The following DOCK10 variants were observed in gnomAD, a reference collection of about 807,000 sequenced individuals.
The protein encoded by DOCK10 is dedicator of cytokinesis protein 10.
Under a neutral mutation model 280.1 loss-of-function variants are expected in DOCK10, and 145 were observed. The ratio of observed to expected loss-of-function variants is 0.52; its 90% CI spans 0.45 to 0.59. The LOEUF (loss-of-function observed/expected upper bound fraction) is 0.59, where lower values mean the gene tolerates loss of function less well. DOCK10 is among the 20% of genes least tolerant of loss of function. The pLI, the probability that DOCK10 is intolerant of heterozygous loss-of-function variation, is 0.00. For synonymous variants in DOCK10, 915 were observed against 942.2 expected (o/e 0.97, Z 0.53); for missense variants, 2,368 against 2,651.7 (o/e 0.89, Z 2.35).
Position 224,849,520 on chromosome 2 carries a change from T to C in DOCK10, c.2222A>G (p.Asp741Gly). 1 of 1,611,346 alleles carries C rather than the reference T, an allele frequency of 6.2e-7. No homozygotes were observed. Residue 741 changes from aspartate (D) to glycine (G), a missense_variant, in exon 19 of 56, where the codon GAT becomes GGT. By Grantham distance (94) the Asp-to-Gly change is moderately conservative. Around this residue, in one of 2 missense-constraint regions of DOCK10, gnomAD observed 1,209 missense variants for 1,250.9 expected, o/e 0.97. Coordinates refer to ENST00000258390, the MANE Select transcript of DOCK10 (RefSeq NM_014689.3). The stretch of plus-strand genomic sequence containing the variant: ...GCTAGCTCTTACCTCATCTGAGAAA[T>C]CCGGATTCTGAGAGTGGTGCAGAAC... ...TAVLHHSQNPDFSDEVKIELP... is the reference protein window; with the variant it reads ...TAVLHHSQNPGFSDEVKIELP...
chr2:224,986,475 T>A (rs1705976267), intron 1 of DOCK10, among the ~76,000 whole-genome samples: 1 of 152,178 alleles, frequency 6.6e-6, no homozygotes, highest in Non-Finnish European at 1.5e-5. Flanking sequence ...AATTCATATG[T>A]TGGAACCCTG....
chr2:224,851,363 T>C (rs966749446), intron 18 of DOCK10, among the ~76,000 whole-genome samples: 1 of 151,834 alleles, frequency 6.6e-6, no homozygotes, highest in Non-Finnish European at 1.5e-5. Flanking sequence ...CTGACAATTA[T>C]ATTTCACTTG....
At chr2:224,991,556 A>C (rs929985322) in intron 1 of DOCK10, among the ~76,000 whole-genome samples, 1 of 151,768 alleles carries the variant, frequency 6.6e-6, no homozygotes, top group Admixed American at 6.6e-5. Context: ...AAAACAATAA[A>C]GTCATGCGGA....
intron 48 of DOCK10, 76 bp from the exon 49 acceptor site, chr2:224,787,473 T>C: frequency 6.4e-7 from 1 of 1,569,420 alleles, no homozygotes; most frequent in Non-Finnish European, 8.7e-7. Flanking sequence ...GTTTCCAAGC[T>C]GTTGCATTGT....
At chr2:224,987,217 G>C (rs892263470) in intron 1 of DOCK10, among the ~76,000 whole-genome samples, 7 of 152,188 alleles carry the variant, frequency 4.6e-5, no homozygotes, top group African/African-American at 1.7e-4. Flanking sequence ...TTTCAGCAAA[G>C]AGAATTTTTG....
intron 40 of DOCK10, among the ~76,000 whole-genome samples, chr2:224,801,368 A>G (rs1559438710): frequency 6.6e-6 from 1 of 151,794 alleles, no homozygotes; most frequent in Non-Finnish European, 1.5e-5. Context: ...TGCCAGAGTC[A>G]GGTTGGAAAG....
chr2:224,942,990 T>G (rs2135874), intron 1 of DOCK10, among the ~76,000 whole-genome samples: 94,937 of 152,008 alleles, frequency 0.62, 29,793 homozygotes, highest in Non-Finnish European at 0.64. Context: ...TTAGGACACA[T>G]AATTTAGGAA....
intron 2 of DOCK10, among the ~76,000 whole-genome samples, chr2:224,925,295 C>T (rs1350304928): frequency 6.6e-6 from 1 of 152,152 alleles, no homozygotes; most frequent in Non-Finnish European, 1.5e-5. Context: ...TAGAAGTCCC[C>T]ATATACCATT....
chr2:224,856,552 T>C (rs944928038), intron 15 of DOCK10, among the ~76,000 whole-genome samples: 2 of 152,244 alleles, frequency 1.3e-5, no homozygotes, highest in African/African-American at 4.8e-5. Context: ...CTCACTCAGA[T>C]GTGCTCAAAT....
chr2:224,857,171 ATTT>A (rs1318097381), intron 14 of DOCK10, among the ~76,000 whole-genome samples, 189 bp from the exon 15 acceptor site: 2 of 152,224 alleles, frequency 1.3e-5, no homozygotes, highest in African/African-American at 4.8e-5. Context: ...TTAATTTATT[ATTT>A]TTAACTCTGT....
At chr2:224,825,762 C>T (rs1276001736) in intron 27 of DOCK10, among the ~76,000 whole-genome samples, 2 of 152,160 alleles carry the variant, frequency 1.3e-5, no homozygotes, top group African/African-American at 4.8e-5. Flanking sequence ...ATCCTAAAGA[C>T]TCGAGGTGGA....
At chr2:224,845,673 G>C (rs1486195100) in intron 19 of DOCK10, 31 bp from the exon 20 acceptor site, 1 of 1,586,154 alleles carries the variant, frequency 6.3e-7, no homozygotes, top group Non-Finnish European at 8.6e-7. Context: ...GTTGGACTGA[G>C]ATTAAAATCA....
chr2:224,782,562 T>A (rs1691429191), intron 50 of DOCK10, among the ~76,000 whole-genome samples: 1 of 152,228 alleles, frequency 6.6e-6, no homozygotes, highest in Non-Finnish European at 1.5e-5. Flanking sequence ...TCCATATTGA[T>A]GCTGATGCCG....
chr2:224,928,337 T>C (rs1702150165), intron 2 of DOCK10, among the ~76,000 whole-genome samples: 1 of 152,202 alleles, frequency 6.6e-6, no homozygotes, highest in Admixed American at 6.5e-5. Flanking sequence ...TGCCTTTACA[T>C]CATGAAAGCA....
At chr2:224,782,467 C>T (rs1212534260) in intron 50 of DOCK10, among the ~76,000 whole-genome samples, 1 of 152,208 alleles carries the variant, frequency 6.6e-6, no homozygotes, top group Non-Finnish European at 1.5e-5. Flanking sequence ...GATGTTTGCT[C>T]ACTGCTGCTG....
chr2:224,943,949 G>A (rs920636408), intron 1 of DOCK10, among the ~76,000 whole-genome samples: 1 of 151,976 alleles, frequency 6.6e-6, no homozygotes, highest in Admixed American at 6.6e-5. Flanking sequence ...ATTTTTAGTC[G>A]AGATGGGGTT....
intron 1 of DOCK10, among the ~76,000 whole-genome samples, chr2:225,041,979 C>G (rs1259110557): frequency 1.3e-5 from 2 of 152,258 alleles, no homozygotes; most frequent in African/African-American, 2.4e-5. Context: ...AGCCCCTGCA[C>G]ATCCTCTCCC....
chr2:224,825,594 C>G (rs941491663), intron 27 of DOCK10, among the ~76,000 whole-genome samples: 2 of 152,242 alleles, frequency 1.3e-5, no homozygotes, highest in Non-Finnish European at 2.9e-5. Flanking sequence ...ATTTTCCCCA[C>G]ATGCATATGC....
chr2:225,009,293 C>G (rs551055135), intron 1 of DOCK10, among the ~76,000 whole-genome samples: 1 of 152,186 alleles, frequency 6.6e-6, no homozygotes, highest in African/African-American at 2.4e-5. Flanking sequence ...AAATCAATCA[C>G]TGAATCAAAA....
Sources: gnomAD v4.1 joint callset for allele counts (sites outside exome capture counted in the v4.1 genomes callset) on GRCh38, gnomAD v4.1.1 for gene constraint, gnomAD v4.1.1 regional missense constraint, MANE v1.5 for transcripts, NCBI Gene and HGNC (gene_info 2026-07-23, HGNC 2026-07-21) for gene names.